The following SLC2A9 variants were observed in gnomAD, a reference collection of about 807,000 sequenced individuals.
SLC2A9 encodes the protein solute carrier family 2, facilitated glucose transporter member 9.
A neutral mutation model predicts 50.6 loss-of-function variants in SLC2A9; 39 were observed. The observed-to-expected ratio is 0.77, with a 90% CI of 0.60 to 1.01. The LOEUF (loss-of-function observed/expected upper bound fraction) is 1.01, where lower values mean the gene tolerates loss of function less well. SLC2A9 is among the 50% of genes least tolerant of loss of function. The pLI, the probability that SLC2A9 is intolerant of heterozygous loss-of-function variation, is 0.00. For missense variants in SLC2A9, 686 were observed against 677.6 expected, an observed-to-expected ratio of 1.01 and a Z score of -0.14; for synonymous variants, 324 against 276.9, an observed-to-expected ratio of 1.17 and a Z score of -1.69.
chr4:10,012,307 C>T (rs1303886117), intron 2 of SLC2A9, among the ~76,000 whole-genome samples: 2 of 152,172 alleles, frequency 1.3e-5, no homozygotes, highest in East Asian at 3.9e-4. Flanking sequence ...CAGAAGTTTT[C>T]CATAGGACAG....
intron 10 of SLC2A9, among the ~76,000 whole-genome samples, chr4:9,873,929 C>A (rs1268209652): frequency 6.6e-6 from 1 of 152,198 alleles, no homozygotes; most frequent in African/African-American, 2.4e-5. Flanking sequence ...CTGGTTTATT[C>A]CCTCCTCTGC....
chr4:9,813,612 T>C (rs1210017381), intron 3 of SLC2A9, among the ~76,000 whole-genome samples: 1 of 152,226 alleles, frequency 6.6e-6, no homozygotes, highest in Admixed American at 6.5e-5. Context: ...AAATCCAGTG[T>C]AGTTAAGGAT....
chr4:9,930,309 A>G (rs1179872464), intron 6 of SLC2A9, among the ~76,000 whole-genome samples: 1 of 152,232 alleles, frequency 6.6e-6, no homozygotes, highest in Admixed American at 6.5e-5. Flanking sequence ...GTCTTCCCCT[A>G]AAGACGGGTG....
rs1172934422 is a variant in SLC2A9 at position 9,887,636 on chromosome 4, CG to C, written c.1221del (p.His407GlnfsTer8). 3 of 1,540,322 alleles carry C rather than the reference CG, an allele frequency of 1.9e-6. No homozygotes were observed. Among genetic ancestry groups the C allele is most frequent in the Admixed American group, 1.9e-5 (1 of 51,792 alleles). On this transcript the variant is annotated frameshift_variant, in exon 10 of 12. Coordinates refer to ENST00000264784, the MANE Select transcript of SLC2A9 (RefSeq NM_020041.3). LOFTEE classifies it high-confidence loss of function. The part of the protein sequence containing the change: ...TLTITLTLQD[H>X]APWVPYLSIV... ...ATACTCAGGTAGGGGACCCAGGGGG[CG>C]TGGTCCTGGGAGAGAACAGGGAGTG...
Position 9,980,528 on chromosome 4 carries a change from G to T in SLC2A9, c.681+64C>A, listed in dbSNP as rs372379675. On this transcript the variant is annotated intron_variant, in intron 5 of 11. Coordinates refer to ENST00000264784, the MANE Select transcript of SLC2A9 (RefSeq NM_020041.3). Reference sequence around the variant, plus strand: ...ACAGGGACCAGCTTTTGGAGAAAAGGCTCCTTCCTGCAGTGGTAACATGAG... The same window carrying T: ...ACAGGGACCAGCTTTTGGAGAAAAGTCTCCTTCCTGCAGTGGTAACATGAG... 1.7e-5 allele frequency: 28 copies of T among 1,608,864 alleles called. No individual in the cohort carries two copies. In the East Asian group the frequency reaches 2.9e-4, roughly 17 times the overall value.
At chr4:10,004,475 C>T (rs1036385972) in intron 2 of SLC2A9, among the ~76,000 whole-genome samples, 8 of 152,140 alleles carry the variant, frequency 5.3e-5, no homozygotes, top group Non-Finnish European at 1.0e-4. Context: ...CTGCTCCACG[C>T]TTGCTCCTGT....
At chr4:10,022,435 C>T (rs1021955005), upstream of SLC2A9, among the ~76,000 whole-genome samples, 1 of 152,274 alleles carries the variant, frequency 6.6e-6, no homozygotes, top group Admixed American at 6.5e-5. Flanking sequence ...TGTATTCCAG[C>T]CCCAGGCTGG....
intron 9 of SLC2A9, 101 bp from the exon 10 acceptor site, chr4:9,887,743 G>T: frequency 6.5e-6 from 6 of 928,542 alleles, no homozygotes; most frequent in Non-Finnish European, 9.1e-6. Context: ...TGTGACCTTG[G>T]ACAGGTCACT....
intron 2 of SLC2A9, among the ~76,000 whole-genome samples, chr4:10,017,269 C>G (rs1268083983): frequency 6.6e-6 from 1 of 152,218 alleles, no homozygotes; most frequent in African/African-American, 2.4e-5. Flanking sequence ...TCACATAACT[C>G]TGCTCCACAA....
chr4:9,820,574 C>G (rs1048803260), intron 3 of SLC2A9, among the ~76,000 whole-genome samples: 13 of 152,162 alleles, frequency 8.5e-5, no homozygotes, highest in Admixed American at 7.2e-4. Flanking sequence ...TCAGTGAACA[C>G]AGTGTATCTT....
chr4:9,980,104 T>C (rs747284332), intron 5 of SLC2A9, among the ~76,000 whole-genome samples: 34 of 152,278 alleles, frequency 2.2e-4, no homozygotes, highest in Admixed American at 3.9e-4. Flanking sequence ...CAGGCCCACC[T>C]GCTCCCAAAA....
chr4:9,820,961 G>A (rs1026004070), intron 3 of SLC2A9, among the ~76,000 whole-genome samples: 5 of 152,198 alleles, frequency 3.3e-5, no homozygotes, highest in African/African-American at 9.7e-5. Context: ...CTTCCAGTAT[G>A]ATAGTGAATA....
chr4:10,014,498 C>T (rs1762286564), intron 2 of SLC2A9, among the ~76,000 whole-genome samples: 1 of 152,194 alleles, frequency 6.6e-6, no homozygotes, highest in African/African-American at 2.4e-5. Context: ...GTTCTGGCCT[C>T]TGCAACCTTT....
intron 5 of SLC2A9, among the ~76,000 whole-genome samples, chr4:9,951,164 G>T (rs944836713): frequency 2.6e-5 from 4 of 152,130 alleles, no homozygotes; most frequent in Admixed American, 2.0e-4. Context: ...CCATTAAAAA[G>T]AATGAAATCA....
At chr4:9,911,793 T>A in intron 7 of SLC2A9, among the ~76,000 whole-genome samples, 1 of 152,226 alleles carries the variant, frequency 6.6e-6, no homozygotes, top group East Asian at 1.9e-4. Context: ...CCTGTTATAA[T>A]TGGCATATAA....
intron 6 of SLC2A9, chr4:9,923,772 T>C (rs1744380240): frequency 1.3e-5 from 2 of 152,452 alleles, no homozygotes; most frequent in African/African-American, 4.8e-5. Flanking sequence ...GTCTGTTTTT[T>C]CAGCTACCTG....
chr4:9,805,211 G>A (rs1721961738), intron 3 of SLC2A9, among the ~76,000 whole-genome samples: 1 of 152,146 alleles, frequency 6.6e-6, no homozygotes, highest in Non-Finnish European at 1.5e-5. Context: ...TGTAGCCAGT[G>A]GTGCTTCACT....
intron 2 of SLC2A9, 30 bp from the exon 3 acceptor site, chr4:9,996,971 C>T (rs759635063): frequency 1.9e-6 from 3 of 1,612,098 alleles, no homozygotes; most frequent in Admixed American, 1.7e-5. Context: ...CATGTTATTT[C>T]CTTCTGTTCT....
At chr4:9,881,496 G>C (rs1025557350) in intron 10 of SLC2A9, among the ~76,000 whole-genome samples, 3 of 152,170 alleles carry the variant, frequency 2.0e-5, no homozygotes, top group Non-Finnish European at 2.9e-5. Context: ...CCAAATTTCA[G>C]AGCTGAGGAA....
Sources: allele counts gnomAD v4.1 joint callset (sites outside exome capture counted in the v4.1 genomes callset), GRCh38; gene constraint gnomAD v4.1.1; transcripts MANE v1.5; gene names NCBI Gene and HGNC (gene_info 2026-07-23, HGNC 2026-07-21).